Variants in CCDC73 observed in about 807,000 individuals in gnomAD.
CCDC73 encodes the protein coiled-coil domain-containing protein 73.
A neutral mutation model predicts 116.5 loss-of-function variants in CCDC73; 95 were observed. The ratio of observed to expected loss-of-function variants is 0.82; its 90% CI spans 0.69 to 0.97. The LOEUF (loss-of-function observed/expected upper bound fraction) is 0.97, where lower values mean the gene tolerates loss of function less well. CCDC73 is among the 50% of genes least tolerant of loss of function. CCDC73 has a pLI of 0.00. For synonymous variants in CCDC73, 398 were observed against 401.3 expected, an observed-to-expected ratio of 0.99 and a Z score of 0.10; for missense variants, 1,066 against 1,206.8, an observed-to-expected ratio of 0.88 and a Z score of 1.73.
At chr11:32,718,004 C>G in intron 3 of CCDC73, 72 bp downstream of exon 3, 4 of 1,030,672 alleles carry the variant, frequency 3.9e-6, no homozygotes, top group Non-Finnish European at 5.8e-6. Flanking sequence ...TCCCTTGACA[C>G]GTGGGGGTTA....
At chr11:32,732,880 C>T (rs944644248) in intron 2 of CCDC73, among the ~76,000 whole-genome samples, 5 of 152,128 alleles carry the variant, frequency 3.3e-5, no homozygotes, top group Admixed American at 2.6e-4. Flanking sequence ...AAATAACCAG[C>T]TAACATCATA....
intron 6 of CCDC73, among the ~76,000 whole-genome samples, chr11:32,684,681 T>G (rs188167922): frequency 1.6e-3 from 246 of 152,310 alleles, no homozygotes; most frequent in African/African-American, 5.7e-3. Context: ...CTAAGATTTG[T>G]TAATTTTTAT....
At position 32,654,879 on chromosome 11, in the gene CCDC73, G is replaced by C; in HGVS notation, c.739C>G (p.Gln247Glu). The change falls in exon 10 of 18, where the codon CAA becomes GAA. Residue 247 changes from glutamine (Q) to glutamate (E), a missense_variant. Coordinates refer to ENST00000335185, the MANE Select transcript of CCDC73 (RefSeq NM_001008391.4). ...EENINLTIKEQKFQELQERLN... is the reference protein window; with the variant it reads ...EENINLTIKEEKFQELQERLN... ...CTTTCTTGAAGTTCTTGAAATTTTT[G>C]TTCTTTAATTGTTAGATTGATGTTT... is the stretch of plus-strand genomic sequence containing the variant. 1.9e-6 allele frequency: 3 copies of C among 1,589,194 alleles called. No homozygotes were observed. The highest frequency in any genetic ancestry group is 4.5e-5 in the East Asian group (2 of 44,298).
intron 6 of CCDC73, among the ~76,000 whole-genome samples, chr11:32,697,043 C>T (rs1375523423): frequency 7.2e-5 from 11 of 151,884 alleles, no homozygotes. Flanking sequence ...CTATGTTGCC[C>T]AGGCTGGTCT....
chr11:32,827,896 C>T, the CCDC73 span, among the ~76,000 whole-genome samples: 1 of 152,250 alleles, frequency 6.6e-6, no homozygotes, highest in East Asian at 1.9e-4. Context: ...AATGGGTGTT[C>T]TAGTGAAAAT....
intron 3 of CCDC73, among the ~76,000 whole-genome samples, chr11:32,704,161 C>G (rs1174939762): frequency 1.3e-5 from 2 of 152,198 alleles, no homozygotes; most frequent in African/African-American, 4.8e-5. Context: ...AGCCCGTGCT[C>G]CCAGGTGCAG....
chr11:32,746,755 G>A (rs1158130134), intron 2 of CCDC73, among the ~76,000 whole-genome samples: 10 of 152,038 alleles, frequency 6.6e-5, no homozygotes, highest in African/African-American at 1.5e-4. Flanking sequence ...CGAAGTTCTC[G>A]TACTGTAGTT....
At chr11:32,828,500 ACT>A in the CCDC73 span, among the ~76,000 whole-genome samples, 8 of 148,700 alleles carry the variant, frequency 5.4e-5, no homozygotes, top group African/African-American at 2.0e-4. Flanking sequence ...ACAGAGCAAG[ACT>A]CTGTCTCAAG....
At chr11:32,769,479 A>G (rs1327226239) in intron 1 of CCDC73, among the ~76,000 whole-genome samples, 3 of 152,208 alleles carry the variant, frequency 2.0e-5, no homozygotes, top group Non-Finnish European at 4.4e-5. Context: ...GAGGAAGAGC[A>G]GAACATTCAA....
Position 32,675,624 on chromosome 11 carries a change from T to C in CCDC73, c.586A>G (p.Asn196Asp). The change falls in exon 9 of 18, where the codon AAC becomes GAC. Residue 196 changes from asparagine to aspartate, a missense_variant. Asn to Asp is a conservative substitution (Grantham distance 23). Coordinates refer to ENST00000335185, the MANE Select transcript of CCDC73 (RefSeq NM_001008391.4). ...TTATTTAAAGCTGAAAGTCTTTTGT[T>C]TGATTGTATTGCTTCCCGTACTGCA... ...EQNVREAIQSNKRLSALNKKQ... is the reference protein window; with the variant it reads ...EQNVREAIQSDKRLSALNKKQ... The C allele has an allele frequency of 6.3e-7, 1 of 1,592,874 alleles. No individual in the cohort carries two copies. Among genetic ancestry groups the C allele is most frequent in the Non-Finnish European group, 8.5e-7 (1 of 1,173,674 alleles).
chr11:32,686,358 C>A (rs1856201069), intron 6 of CCDC73, among the ~76,000 whole-genome samples: 1 of 149,520 alleles, frequency 6.7e-6, no homozygotes, highest in Non-Finnish European at 1.5e-5. Context: ...TTTTAGAGAT[C>A]CAAGCAGAGA....
At chr11:32,648,189 G>A (rs1165132648) in intron 12 of CCDC73, among the ~76,000 whole-genome samples, 1 of 152,222 alleles carries the variant, frequency 6.6e-6, no homozygotes, top group Admixed American at 6.5e-5. Flanking sequence ...CATGATACTT[G>A]CAAATCCTGA....
Position 32,614,528 on chromosome 11 carries a change from T to G in CCDC73, c.1790A>C (p.Glu597Ala). The G allele has an allele frequency of 6.2e-7, 1 of 1,613,310 alleles. No individual in the cohort carries two copies. Among genetic ancestry groups the G allele is most frequent in the Non-Finnish European group, 8.5e-7 (1 of 1,179,490 alleles). ...TYHNNNKDVSENEPFKQFRLL... is the reference protein window; with the variant it reads ...TYHNNNKDVSANEPFKQFRLL... ...TCTGAATTGTTTGAATGGCTCATTT[T>G]CAGAAACATCTTTATTATTATTGTG... Residue 597 changes from glutamate (E) to alanine (A), a missense_variant, in exon 16 of 18, where the codon GAA (glutamate) becomes GCA (alanine). Physicochemically the swap from Glu to Ala is moderately radical, Grantham distance 107. Transcript: ENST00000335185.
At chr11:32,780,940 C>T (rs1403568394) in intron 1 of CCDC73, among the ~76,000 whole-genome samples, 1 of 152,152 alleles carries the variant, frequency 6.6e-6, no homozygotes, top group African/African-American at 2.4e-5. Context: ...TTGTGCCCAG[C>T]CTGGGCAACA....
intron 17 of CCDC73, chr11:32,603,271 T>A: frequency 2.8e-6 from 1 of 355,522 alleles, no homozygotes; most frequent in Non-Finnish European, 5.0e-6. Context: ...TCATGTTTCC[T>A]CCCATGCTTC....
At chr11:32,819,024 C>G in the CCDC73 span, among the ~76,000 whole-genome samples, 1 of 151,988 alleles carries the variant, frequency 6.6e-6, no homozygotes. Flanking sequence ...AAACCATAAG[C>G]CCTTGTGTTG....
intron 1 of CCDC73, among the ~76,000 whole-genome samples, chr11:32,784,254 T>C (rs748761531): frequency 3.3e-5 from 5 of 151,616 alleles, no homozygotes; most frequent in Non-Finnish European, 7.4e-5. Flanking sequence ...CGCTTGAACC[T>C]GGGAGGCAGA....
intron 16 of CCDC73, among the ~76,000 whole-genome samples, chr11:32,612,900 A>G (rs910036329): frequency 6.6e-6 from 1 of 152,172 alleles, no homozygotes; most frequent in African/African-American, 2.4e-5. Flanking sequence ...GCCATTTCAT[A>G]TGGCAGTTTT....
chr11:32,688,845 G>T (rs1000961057), intron 6 of CCDC73, among the ~76,000 whole-genome samples: 2 of 152,118 alleles, frequency 1.3e-5, no homozygotes, highest in Admixed American at 1.3e-4. Context: ...ACATACAGCT[G>T]AAGTTCAAAA....
Sources: allele counts gnomAD v4.1 joint callset (sites outside exome capture counted in the v4.1 genomes callset), GRCh38; gene constraint gnomAD v4.1.1; transcripts MANE v1.5; gene names NCBI Gene and HGNC (gene_info 2026-07-23, HGNC 2026-07-21).